STARD13: variants seen among roughly 807,000 people sequenced by gnomAD.
The protein encoded by STARD13 is StAR related lipid transfer domain containing 13, also known as stAR-related lipid transfer protein 13.
In STARD13, 62 loss-of-function variants were observed where a neutral mutation model predicts 106.4. The observed-to-expected ratio is 0.58, with a 90% CI of 0.48 to 0.72. The LOEUF (loss-of-function observed/expected upper bound fraction) is 0.72. Among genes scored for constraint, STARD13 ranks in the 30% least tolerant of loss-of-function variants. The pLI, the probability that STARD13 is intolerant of heterozygous loss-of-function variation, is 0.00. For missense variants in STARD13, 1,387 were observed against 1,424.0 expected (o/e 0.97, Z 0.42); for synonymous variants, 565 against 553.0 (o/e 1.02, Z -0.31).
At chr13:33,555,268 T>C in the STARD13 span, among the ~76,000 whole-genome samples, 1 of 152,218 alleles carries the variant, frequency 6.6e-6, no homozygotes, top group Non-Finnish European at 1.5e-5. Context: ...TCAAATCAGC[T>C]AAGCCCATGT....
chr13:33,498,963 C>A, the STARD13 span, among the ~76,000 whole-genome samples: 2 of 152,098 alleles, frequency 1.3e-5, no homozygotes, highest in East Asian at 3.9e-4. Context: ...TATGGTGAAA[C>A]CCCGTCTCTA....
Position 33,127,513 on chromosome 13 carries a change from G to T in STARD13, c.1782C>A (p.His594Gln). The T allele has an allele frequency of 6.4e-7, 1 of 1,569,384 alleles. No homozygotes were observed. Among genetic ancestry groups the T allele is most frequent in the Non-Finnish European group, 8.6e-7 (1 of 1,164,652 alleles). Reference sequence around the variant, plus strand: ...GCGATGCTGGGGCCGGCCGGGGCTGGTGCGACAGCTGGAAACTGTTCCATC... The same window carrying T: ...GCGATGCTGGGGCCGGCCGGGGCTGTTGCGACAGCTGGAAACTGTTCCATC... ...RLRWNSFQLS[H>Q]QPRPAPASPH... Residue 594 changes from histidine (H) to glutamine (Q), a missense_variant, in exon 6 of 14, where the codon CAC becomes CAA. By Grantham distance (24) the His-to-Gln change is conservative. Transcript: ENST00000336934.
At chr13:33,410,458 G>A in the STARD13 span, among the ~76,000 whole-genome samples, 5 of 152,170 alleles carry the variant, frequency 3.3e-5, no homozygotes, top group Admixed American at 6.5e-5. Flanking sequence ...TTCCAACCAT[G>A]AGGCCAATGT....
At chr13:33,674,738 A>T in the STARD13 span, among the ~76,000 whole-genome samples, 4 of 151,944 alleles carry the variant, frequency 2.6e-5, no homozygotes, top group African/African-American at 9.7e-5. Context: ...AAATCTTGAA[A>T]TTTTTTTCTG....
the STARD13 span, among the ~76,000 whole-genome samples, chr13:33,410,514 CAAA>C: frequency 1.3e-5 from 2 of 152,122 alleles, no homozygotes; most frequent in Non-Finnish European, 2.9e-5. Context: ...TTTTGGGTAA[CAAA>C]GAAGTACTTG....
the STARD13 span, among the ~76,000 whole-genome samples, chr13:33,612,760 A>G: frequency 7.9e-5 from 12 of 152,264 alleles, no homozygotes; most frequent in East Asian, 2.3e-3. Context: ...TAAACAGTTT[A>G]ATGTGTTGCA....
chr13:33,258,543 C>T (rs979701706), intron 1 of STARD13, among the ~76,000 whole-genome samples: 7 of 151,842 alleles, frequency 4.6e-5, no homozygotes, highest in Admixed American at 2.0e-4. Context: ...CTGGAAGGCA[C>T]GCAGATGGAT....
At chr13:33,554,494 GATT>G in the STARD13 span, among the ~76,000 whole-genome samples, 1 of 152,100 alleles carries the variant, frequency 6.6e-6, no homozygotes, top group Admixed American at 6.5e-5. Flanking sequence ...TTCTTCATCG[GATT>G]ATTATGATAG....
Position 33,324,587 on chromosome 13 carries a change from T to C in STARD13, c.124+25703A>G, listed in dbSNP as rs1893672806. Among the ~76,000 whole-genome samples, 3 of 152,224 alleles carry C rather than the reference T, an allele frequency of 2.0e-5. No individual in the cohort carries two copies. In the South Asian group the frequency reaches 6.2e-4, roughly 31 times the overall value. On this transcript the variant is annotated intron_variant, in intron 1 of 5. Transcript: ENST00000567873. ...ATTTTAAAAAACAATTTGAAAATAC[T>C]CATGTAAATTATTCAGGGTAAGGGG... is the stretch of plus-strand genomic sequence containing the variant.
the STARD13 span, among the ~76,000 whole-genome samples, chr13:33,616,320 A>G: frequency 2.0e-5 from 3 of 151,938 alleles, no homozygotes; most frequent in Non-Finnish European, 4.4e-5. Flanking sequence ...GAAAAGAAGA[A>G]AGACCCTCTC....
chr13:33,127,914 A>C (rs1411047883), intron 5 of STARD13, among the ~76,000 whole-genome samples: 4 of 151,642 alleles, frequency 2.6e-5, no homozygotes, highest in African/African-American at 9.7e-5. Flanking sequence ...ACAGAGGGAG[A>C]GAGAGAAACG....
At chr13:33,223,139 G>C (rs772292679) in intron 1 of STARD13, among the ~76,000 whole-genome samples, 9 of 152,220 alleles carry the variant, frequency 5.9e-5, no homozygotes, top group Non-Finnish European at 1.2e-4. Context: ...ACTTGTCCTA[G>C]ATTACCCAGC....
At chr13:33,642,356 T>G in the STARD13 span, among the ~76,000 whole-genome samples, 1 of 152,180 alleles carries the variant, frequency 6.6e-6, no homozygotes, top group Admixed American at 6.5e-5. Context: ...GAAAGATGCT[T>G]GAGAAGTTTC....
At chr13:33,146,423 G>A (rs370121189) in intron 3 of STARD13, among the ~76,000 whole-genome samples, 2 of 152,204 alleles carry the variant, frequency 1.3e-5, no homozygotes, top group African/African-American at 2.4e-5. Context: ...GGTCAAGGCT[G>A]CAGTGAGCTG....
At chr13:33,160,080 T>C (rs2138329790) in intron 3 of STARD13, among the ~76,000 whole-genome samples, 1 of 152,278 alleles carries the variant, frequency 6.6e-6, no homozygotes, top group South Asian at 2.1e-4. Context: ...TTCCAGGACT[T>C]ACCTAAGTAA....
the STARD13 span, among the ~76,000 whole-genome samples, chr13:33,491,959 G>C: frequency 1.4e-4 from 21 of 152,162 alleles, no homozygotes; most frequent in African/African-American, 4.6e-4. Context: ...TCCGAAAAGA[G>C]AGTCAGGAAG....
chr13:33,517,723 C>T, the STARD13 span, among the ~76,000 whole-genome samples: 2 of 152,124 alleles, frequency 1.3e-5, no homozygotes, highest in African/African-American at 4.8e-5. Flanking sequence ...GGATATTTTC[C>T]AAGCGTTTGC....
the STARD13 span, among the ~76,000 whole-genome samples, chr13:33,641,039 A>G: frequency 2.0e-5 from 3 of 152,230 alleles, no homozygotes; most frequent in African/African-American, 7.2e-5. Flanking sequence ...ATGCACAGCC[A>G]TGTAGAAATA....
At chr13:33,456,700 G>A in the STARD13 span, among the ~76,000 whole-genome samples, 9 of 151,908 alleles carry the variant, frequency 5.9e-5, no homozygotes, top group East Asian at 1.9e-4. Flanking sequence ...GAATGGGATC[G>A]GTGCCTTTGT....
Sources: gnomAD v4.1 joint callset for allele counts (sites outside exome capture counted in the v4.1 genomes callset) on GRCh38, gnomAD v4.1.1 for gene constraint, MANE v1.5 for transcripts, NCBI Gene and HGNC (gene_info 2026-07-23, HGNC 2026-07-21) for gene names.